The following C2CD3 variants were observed in gnomAD, a reference collection of about 807,000 sequenced individuals.
C2CD3 encodes the protein C2 domain containing 3 centriole elongation regulator.
Under a neutral mutation model 234.0 loss-of-function variants are expected in C2CD3, and 148 were observed. That is an observed-to-expected ratio of 0.63 (90% CI 0.55 to 0.72). C2CD3 has a LOEUF of 0.72. Ranked by LOEUF, C2CD3 falls within the 30% of genes least tolerant of loss-of-function variation. The pLI, the probability that C2CD3 is intolerant of heterozygous loss-of-function variation, is 0.00. For missense variants in C2CD3, 2,577 were observed against 2,811.5 expected (o/e 0.92, Z 1.89); for synonymous variants, 1,000 against 1,035.4 (o/e 0.97, Z 0.66).
Position 74,066,192 on chromosome 11 carries a change from C to T in C2CD3, c.4951+8061G>A, listed in dbSNP as rs528975073. Reference sequence around the variant, plus strand: ...AACCATCATTCTGAGCAAACTATCTCAAGGACAGAAAACCAAACACCACAT... The same window carrying T: ...AACCATCATTCTGAGCAAACTATCTTAAGGACAGAAAACCAAACACCACAT... On this transcript the variant is annotated intron_variant, in intron 24 of 32. Coordinates refer to ENST00000334126, the MANE Select transcript of C2CD3 (RefSeq NM_001286577.2). Among the ~76,000 whole-genome samples the T allele has an allele frequency of 8.8e-5, 12 of 136,718 alleles. No homozygotes were observed. The South Asian group carries it at 2.7e-3, about 31-fold the overall frequency. The allele number at this position is 136,718 out of a possible 152,430, so 89.7% of individuals were successfully genotyped here. A position where few individuals can be genotyped will look rare whatever the true frequency, so the allele number is the denominator to read the frequency against.
At chr11:74,063,835 T>C (rs1487459599) in intron 24 of C2CD3, among the ~76,000 whole-genome samples, 1 of 152,202 alleles carries the variant, frequency 6.6e-6, no homozygotes, top group African/African-American at 2.4e-5. Context: ...ATTGTCCCTG[T>C]TTGCAGATGA....
chr11:74,043,393 C>T (rs567959587), intron 28 of C2CD3, among the ~76,000 whole-genome samples: 39 of 152,258 alleles, frequency 2.6e-4, no homozygotes, highest in Non-Finnish European at 4.4e-4. Context: ...ACTCAGTTGA[C>T]GGGCATGAGT....
At chr11:74,156,022 T>A (rs550906661) in intron 3 of C2CD3, among the ~76,000 whole-genome samples, 2 of 152,116 alleles carry the variant, frequency 1.3e-5, no homozygotes, top group East Asian at 3.9e-4. Flanking sequence ...ATGCCTGTAA[T>A]CCCAGCACTT....
chr11:74,081,646 A>C (rs1955375061), intron 22 of C2CD3, among the ~76,000 whole-genome samples: 3 of 152,126 alleles, frequency 2.0e-5, no homozygotes, highest in African/African-American at 7.2e-5. Flanking sequence ...CATCATCATC[A>C]CCACCATCTT....
chr11:74,133,627 T>C (rs1462764918), intron 5 of C2CD3, 70 bp from the exon 6 acceptor site: 1 of 1,538,432 alleles, frequency 6.5e-7, no homozygotes, highest in African/African-American at 1.4e-5. Flanking sequence ...ATTCAGTGCA[T>C]TTCCTTCTAT....
chr11:74,129,511 T>A (rs927417388), intron 7 of C2CD3: 1 of 189,476 alleles, frequency 5.3e-6, no homozygotes, highest in African/African-American at 2.5e-5. Flanking sequence ...ACTTCCTAGA[T>A]GGGATGGCGG....
Position 74,109,474 on chromosome 11 carries a change from GT to G in C2CD3, c.1844-323del, listed in dbSNP as rs145309172. On this transcript the variant is annotated intron_variant, in intron 11 of 32. Transcript: ENST00000334126. Reference sequence around the variant, plus strand: ...TCACTGGGTTTTAGGTAATAGCACTGTTTTTAAAAGACTAGTTTGTAGGTAG... The same window carrying G: ...TCACTGGGTTTTAGGTAATAGCACTGTTTTAAAAGACTAGTTTGTAGGTAG... The G allele has an allele frequency of 2.4e-5, 5 of 208,398 alleles. No homozygotes were observed. The South Asian group carries it at 7.4e-4, about 31-fold the overall frequency. The allele number at this position is 208,398 out of a possible 1,614,324, so 12.9% of individuals were successfully genotyped here.
chr11:74,106,804 T>G (rs1054883827), intron 12 of C2CD3, among the ~76,000 whole-genome samples: 1 of 152,178 alleles, frequency 6.6e-6, no homozygotes, highest in Non-Finnish European at 1.5e-5. Context: ...AAAATAAAAT[T>G]TAGATGTCAC....
chr11:74,145,329 A>AT (rs1372788278), intron 3 of C2CD3, among the ~76,000 whole-genome samples: 1 of 152,038 alleles, frequency 6.6e-6, no homozygotes, highest in African/African-American at 2.4e-5. Context: ...GATATTGGGC[A>AT]TTTTTTCACG....
chr11:74,065,287 T>C (rs1954462920), intron 24 of C2CD3, among the ~76,000 whole-genome samples: 1 of 152,162 alleles, frequency 6.6e-6, no homozygotes, highest in Non-Finnish European at 1.5e-5. Context: ...AGAAGACATT[T>C]ATGCAGCCAA....
intron 13 of C2CD3, 25 bp downstream of exon 13, chr11:74,106,346 A>G: frequency 6.2e-7 from 1 of 1,611,564 alleles, no homozygotes; most frequent in African/African-American, 1.3e-5. Context: ...AATACTTCTG[A>G]CTTCCTGAAT....
chr11:74,164,196 C>G (rs1435362050), intron 2 of C2CD3: 1 of 965,198 alleles, frequency 1.0e-6, no homozygotes, highest in Non-Finnish European at 1.2e-6. Context: ...TACTGTCCAG[C>G]ACTATTCCTA....
At position 74,152,143 on chromosome 11, in the gene C2CD3, T is replaced by C. The variant is rs867751682; in HGVS notation, c.483+9256A>G. ...GGCTCCTTGAAAAGATTAATAAAAT[T>C]GTTAAACTTCTATCCAGCCTGATCC... is the stretch of plus-strand genomic sequence containing the variant. On this transcript the variant is annotated intron_variant, in intron 3 of 32. Coordinates refer to ENST00000334126, the MANE Select transcript of C2CD3 (RefSeq NM_001286577.2). Among the ~76,000 whole-genome samples the C allele has an allele frequency of 8.5e-5, 13 of 152,244 alleles. No individual in the cohort carries two copies. The Middle Eastern group carries it at 0.01, about 120-fold the overall frequency.
chr11:74,022,302 G>GT (rs1555004542), intron 32 of C2CD3, among the ~76,000 whole-genome samples: 1 of 152,156 alleles, frequency 6.6e-6, no homozygotes, highest in Non-Finnish European at 1.5e-5. Context: ...TCTGGCAGGA[G>GT]TAACTACATG....
chr11:74,103,038 G>T, intron 14 of C2CD3, 93 bp downstream of exon 14: 1 of 1,300,714 alleles, frequency 7.7e-7, no homozygotes, highest in South Asian at 1.4e-5. Flanking sequence ...CTTCTAGTCT[G>T]AACATTCTAG....
intron 30 of C2CD3, chr11:74,036,314 T>A: frequency 2.7e-6 from 1 of 377,076 alleles, no homozygotes; most frequent in Non-Finnish European, 5.3e-6. Context: ...ATAAGCTTGA[T>A]GAAGGGAGAT....
In C2CD3 at chr11:74,118,237, T is replaced by C; in HGVS notation, c.1511A>G (p.Lys504Arg). The change falls in exon 9 of 33, where the codon AAG becomes AGG. Residue 504 changes from lysine to arginine, a missense_variant. Physicochemically the swap from Lys to Arg is conservative, Grantham distance 26 (BLOSUM62 2). Coordinates refer to ENST00000334126, the MANE Select transcript of C2CD3 (RefSeq NM_001286577.2). ...AGTCAGAGCAGCTCACCTATTTCTCTTGCCTGCTGACCTCTTCTTCAGCTT... is the reference window on the plus strand; with the variant it reads ...AGTCAGAGCAGCTCACCTATTTCTCCTGCCTGCTGACCTCTTCTTCAGCTT... ...DHKLKKRSAG[K>R]RNRNLVEQQM... 1 of 1,612,148 alleles carries C rather than the reference T, an allele frequency of 6.2e-7. No homozygotes were observed. The highest frequency in any genetic ancestry group is 1.1e-5 in the South Asian group (1 of 90,816).
chr11:74,139,343 A>T (rs1957969770), intron 4 of C2CD3, among the ~76,000 whole-genome samples: 1 of 152,176 alleles, frequency 6.6e-6, no homozygotes, highest in Non-Finnish European at 1.5e-5. Context: ...GCATCTGGAT[A>T]TCATTTAGTC....
At chr11:74,162,655 A>G (rs1254513468) in intron 2 of C2CD3, among the ~76,000 whole-genome samples, 2 of 152,262 alleles carry the variant, frequency 1.3e-5, no homozygotes, top group African/African-American at 4.8e-5. Context: ...GAACAACAAC[A>G]AATACCACAC....
Sources: allele counts gnomAD v4.1 joint callset (sites outside exome capture counted in the v4.1 genomes callset), GRCh38; gene constraint gnomAD v4.1.1; transcripts MANE v1.5; gene names NCBI Gene and HGNC (gene_info 2026-07-23, HGNC 2026-07-21).